Variants in GRID2 observed in about 807,000 individuals in gnomAD.
The protein encoded by GRID2 is glutamate receptor ionotropic, delta-2.
Under a neutral mutation model 114.8 loss-of-function variants are expected in GRID2, and 33 were observed. The observed-to-expected ratio is 0.29, with a 90% CI of 0.22 to 0.38. The LOEUF is 0.38. Among genes scored for constraint, GRID2 ranks in the 10% least tolerant of loss-of-function variants. GRID2 has a pLI of 1.00. For synonymous variants in GRID2, 505 were observed against 449.9 expected, an observed-to-expected ratio of 1.12 and a Z score of -1.55; for missense variants, 1,184 against 1,257.7, an observed-to-expected ratio of 0.94 and a Z score of 0.89.
chr4:93,404,383 A>G (rs549672208), intron 9 of GRID2, among the ~76,000 whole-genome samples: 1 of 152,104 alleles, frequency 6.6e-6, no homozygotes, highest in Non-Finnish European at 1.5e-5. Flanking sequence ...TGAATTGTAT[A>G]TTATGTAAAT....
chr4:92,884,616 C>A (rs1003916617), intron 2 of GRID2: 4 of 158,428 alleles, frequency 2.5e-5, no homozygotes, highest in African/African-American at 9.6e-5. Context: ...CAGGACTTTT[C>A]ACTGGCCTAA....
At chr4:92,626,236 A>C (rs1248954250) in intron 2 of GRID2, among the ~76,000 whole-genome samples, 1 of 151,934 alleles carries the variant, frequency 6.6e-6, no homozygotes, top group Non-Finnish European at 1.5e-5. Flanking sequence ...AGAGATTTTT[A>C]AATATTGTGG....
chr4:93,012,731 G>A (rs1200934364), intron 2 of GRID2, among the ~76,000 whole-genome samples: 2 of 151,958 alleles, frequency 1.3e-5, no homozygotes, highest in African/African-American at 2.4e-5. Context: ...CATAAGAACT[G>A]AATGAAATTG....
chr4:92,308,977 G>A (rs753232077), intron 1 of GRID2, among the ~76,000 whole-genome samples: 2 of 152,014 alleles, frequency 1.3e-5, no homozygotes, highest in Admixed American at 6.6e-5. Context: ...CACAATTCAA[G>A]TGTGTATTAA....
chr4:92,977,727 T>C (rs537802102), intron 2 of GRID2, among the ~76,000 whole-genome samples: 1 of 152,096 alleles, frequency 6.6e-6, no homozygotes, highest in Non-Finnish European at 1.5e-5. Context: ...AGTCAAGATA[T>C]ATGTTTGGAT....
chr4:93,489,668 A>G (rs1726783699), intron 11 of GRID2, among the ~76,000 whole-genome samples: 1 of 151,862 alleles, frequency 6.6e-6, no homozygotes, highest in Non-Finnish European at 1.5e-5. Flanking sequence ...ATGAGGTAGG[A>G]TTTGGGATGT....
intron 4 of GRID2, among the ~76,000 whole-genome samples, chr4:93,136,589 GT>G (rs1219481089): frequency 1.3e-5 from 2 of 151,878 alleles, no homozygotes; most frequent in Non-Finnish European, 2.9e-5. Context: ...GACCAGTCTT[GT>G]TTATTATCTT....
At chr4:93,354,671 CGTGTGTGTGTGTGTGTGTGT>C (rs35452796) in intron 8 of GRID2, among the ~76,000 whole-genome samples, 5 of 130,284 alleles carry the variant, frequency 3.8e-5, no homozygotes, top group South Asian at 2.7e-4. Context: ...GTGGCTCATC[CGTGTGTGTGTGTGTGTGTGT>C]GTGTGTGTGT....
At chr4:92,336,855 T>C (rs542474991) in intron 1 of GRID2, among the ~76,000 whole-genome samples, 3 of 151,964 alleles carry the variant, frequency 2.0e-5, no homozygotes, top group Non-Finnish European at 4.4e-5. Flanking sequence ...AGATGACTCT[T>C]GAAACATCAC....
At chr4:92,921,422 G>A (rs11721603) in intron 2 of GRID2, among the ~76,000 whole-genome samples, 5,313 of 152,136 alleles carry the variant, frequency 0.035, 108 homozygotes, top group Non-Finnish European at 0.041. Flanking sequence ...GAGGAGAGGC[G>A]CTCTGATTTT....
intron 1 of GRID2, among the ~76,000 whole-genome samples, chr4:92,421,811 G>A (rs1415820948): frequency 2.0e-5 from 3 of 152,046 alleles, no homozygotes; most frequent in Admixed American, 2.0e-4. Flanking sequence ...ACAAAGAAAA[G>A]AACACTGGGT....
chr4:93,370,438 GGCACACACACACAC>G (rs1163870070), intron 8 of GRID2, among the ~76,000 whole-genome samples: 2 of 126,978 alleles, frequency 1.6e-5, no homozygotes, highest in Admixed American at 1.5e-4. Context: ...CGCACACACA[GGCACACACACACAC>G]GCACACACAA....
chr4:92,513,041 A>C (rs1724333357), intron 1 of GRID2, among the ~76,000 whole-genome samples: 1 of 151,918 alleles, frequency 6.6e-6, no homozygotes, highest in South Asian at 2.1e-4. Context: ...ATACTTTAGC[A>C]AATAGTGTAA....
intron 8 of GRID2, among the ~76,000 whole-genome samples, chr4:93,363,979 T>A (rs1010334407): frequency 1.3e-5 from 2 of 152,078 alleles, no homozygotes; most frequent in African/African-American, 4.8e-5. Context: ...CATCTCATAG[T>A]CATCTCAGTT....
intron 2 of GRID2, among the ~76,000 whole-genome samples, chr4:92,673,541 G>A (rs1733178075): frequency 6.6e-6 from 1 of 152,082 alleles, no homozygotes; most frequent in Non-Finnish European, 1.5e-5. Flanking sequence ...AATATTTCTT[G>A]TACTGCATGT....
chr4:93,672,041 G>T (rs1724469511), intron 14 of GRID2, among the ~76,000 whole-genome samples: 1 of 152,042 alleles, frequency 6.6e-6, no homozygotes, highest in African/African-American at 2.4e-5. Context: ...AAGCAATGAA[G>T]GTATCTGTTC....
intron 13 of GRID2, among the ~76,000 whole-genome samples, chr4:93,556,078 T>G (rs561950679): frequency 1.3e-5 from 2 of 152,090 alleles, no homozygotes; most frequent in Admixed American, 6.5e-5. Flanking sequence ...ACAAAAAGGA[T>G]GTCCACACAA....
At chr4:93,172,644 C>G (rs185569458) in intron 4 of GRID2, among the ~76,000 whole-genome samples, 2 of 151,868 alleles carry the variant, frequency 1.3e-5, no homozygotes, top group East Asian at 3.9e-4. Context: ...GAAAATATAT[C>G]TAATCAAAAA....
chr4:93,140,093 G>A (rs986610110), intron 4 of GRID2, among the ~76,000 whole-genome samples: 2 of 151,826 alleles, frequency 1.3e-5, no homozygotes, highest in African/African-American at 4.8e-5. Context: ...TGCCAAGTAA[G>A]GGTTTGATCG....
Sources: allele counts gnomAD v4.1 joint callset (sites outside exome capture counted in the v4.1 genomes callset), GRCh38; gene constraint gnomAD v4.1.1; transcripts MANE v1.5; gene names NCBI Gene and HGNC (gene_info 2026-07-23, HGNC 2026-07-21).